The following EIF4E3 variants were observed in gnomAD, a reference collection of about 807,000 sequenced individuals.
EIF4E3 encodes the protein eukaryotic translation initiation factor 4E family member 3, also known as eukaryotic translation initiation factor 4E type 3.
EIF4E3 carries 26 observed loss-of-function variants against 31.7 expected under a neutral mutation model. The ratio of observed to expected loss-of-function variants is 0.82; its 90% CI spans 0.60 to 1.14. The LOEUF is 1.14. EIF4E3 is among the 50% of genes most tolerant of loss of function. The pLI is 0.00. For synonymous variants in EIF4E3, 128 were observed against 107.7 expected (o/e 1.19, Z -1.17); for missense variants, 304 against 270.9 (o/e 1.12, Z -0.86).
rs1352885595 is a variant in EIF4E3 at position 71,682,928 on chromosome 3, G to A, written c.*1754C>T. On this transcript the variant is annotated 3_prime_UTR_variant, in exon 7 of 7. Coordinates refer to ENST00000425534, the MANE Select transcript of EIF4E3 (RefSeq NM_001134651.2). ...AGAAAAATACTTATATTATAAAAAA[G>A]TTTTAATTCATGTCCAGAATAATTT... 6.6e-6 allele frequency: 1 copy of A among 152,170 alleles called. No individual in the cohort carries two copies. The highest frequency in any genetic ancestry group is 6.6e-5 in the Admixed American group (1 of 15,254). The allele number at this position is 152,170 out of a possible 1,614,324, so 9.4% of individuals were successfully genotyped here.
intron 2 of EIF4E3, among the ~76,000 whole-genome samples, chr3:71,701,015 G>A (rs888436923): frequency 2.0e-5 from 3 of 152,104 alleles, no homozygotes; most frequent in African/African-American, 7.2e-5. Flanking sequence ...AGGAGAGGAT[G>A]GCCATGTACA....
At chr3:71,708,603 GC>G (rs2049329009) in intron 2 of EIF4E3, among the ~76,000 whole-genome samples, 1 of 151,978 alleles carries the variant, frequency 6.6e-6, no homozygotes, top group African/African-American at 2.4e-5. Flanking sequence ...GGAAAACCAA[GC>G]CAATCCCCTC....
Position 71,739,370 on chromosome 3 carries a change from A to T in EIF4E3, c.-290-10747T>A, listed in dbSNP as rs1382301418. Among the ~76,000 whole-genome samples, 3 of 152,210 alleles carry T rather than the reference A, an allele frequency of 2.0e-5. No homozygotes were observed. The East Asian group carries it at 5.8e-4, about 29-fold the overall frequency. ...GATGTTTTCAGATATGCAAGAGCTG[A>T]AAGTATCCACTACCAGTAAATCAAC... On this transcript the variant is annotated intron_variant, in intron 1 of 7. Coordinates refer to the EIF4E3 transcript ENST00000295612.
chr3:71,696,489 A>C lies in EIF4E3; in HGVS notation c.376T>G (p.Trp126Gly). 6.2e-7 allele frequency: 1 copy of C among 1,614,122 alleles called. No homozygotes were observed. The highest frequency in any genetic ancestry group is 8.5e-7 in the Non-Finnish European group (1 of 1,180,022). The part of the protein sequence containing the change: ...EEESNAKGGV[W>G]KMKVPKDSTS... ...CTGTCCTTGGGGACTTTCATCTTCC[A>C]TACGCCACCCTTTGCATTACTCTCC... Residue 126 changes from tryptophan to glycine, a missense_variant, in exon 4 of 7, where the codon TGG becomes GGG. Transcript: ENST00000425534.
intron 1 of EIF4E3, chr3:71,753,324 C>T (rs955011266): frequency 6.6e-6 from 1 of 152,310 alleles, no homozygotes; most frequent in African/African-American, 2.4e-5. Context: ...TCGTAAATTA[C>T]TCCCAGCTTT....
the EIF4E3 span, among the ~76,000 whole-genome samples, chr3:71,664,648 C>T: frequency 2.0e-5 from 3 of 152,220 alleles, no homozygotes; most frequent in East Asian, 5.8e-4. Flanking sequence ...GAGGCCAAGG[C>T]AGATCACTTG....
intron 3 of EIF4E3, among the ~76,000 whole-genome samples, chr3:71,699,400 C>G (rs977474542): frequency 6.6e-6 from 1 of 152,184 alleles, no homozygotes; most frequent in African/African-American, 2.4e-5. Context: ...AACTGGGACT[C>G]CAGCCTGGGC....
chr3:71,734,764 A>G (rs914184516), intron 1 of EIF4E3, among the ~76,000 whole-genome samples: 2 of 152,218 alleles, frequency 1.3e-5, no homozygotes, highest in African/African-American at 4.8e-5. Flanking sequence ...TAGCATCTTA[A>G]TAAGTTGTTG....
chr3:71,663,237 T>C, the EIF4E3 span, among the ~76,000 whole-genome samples: 1 of 152,152 alleles, frequency 6.6e-6, no homozygotes, highest in Non-Finnish European at 1.5e-5. Flanking sequence ...AATTTGTATT[T>C]CTTTTACATT....
At chr3:71,669,848 T>C in the EIF4E3 span, among the ~76,000 whole-genome samples, 1 of 152,216 alleles carries the variant, frequency 6.6e-6, no homozygotes. Context: ...TTTGAACTCT[T>C]AGAATTTGAC....
intron 2 of EIF4E3, among the ~76,000 whole-genome samples, chr3:71,707,767 A>G (rs994211397): frequency 1.1e-4 from 16 of 152,162 alleles, no homozygotes; most frequent in Non-Finnish European, 1.9e-4. Flanking sequence ...CCCCTGCAAG[A>G]ATCAACTTTG....
chr3:71,703,851 C>T (rs2049253043), intron 2 of EIF4E3, among the ~76,000 whole-genome samples: 1 of 147,820 alleles, frequency 6.8e-6, no homozygotes, highest in African/African-American at 2.5e-5. Flanking sequence ...GGATTTATTC[C>T]AAGGTTGTGG....
chr3:71,747,386 A>G (rs1279558549), intron 1 of EIF4E3, among the ~76,000 whole-genome samples: 1 of 152,222 alleles, frequency 6.6e-6, no homozygotes, highest in Non-Finnish European at 1.5e-5. Flanking sequence ...TAATGATGCA[A>G]AGTATCTTTC....
At chr3:71,668,064 C>A in the EIF4E3 span, among the ~76,000 whole-genome samples, 1 of 152,084 alleles carries the variant, frequency 6.6e-6, no homozygotes, top group Non-Finnish European at 1.5e-5. Flanking sequence ...ATATATAGAC[C>A]AATGGAACAG....
chr3:71,707,156 C>T (rs1320163825), intron 2 of EIF4E3, among the ~76,000 whole-genome samples: 1 of 152,168 alleles, frequency 6.6e-6, no homozygotes, highest in East Asian at 1.9e-4. Context: ...CAAATTATGG[C>T]AGATGATTGG....
the EIF4E3 span, among the ~76,000 whole-genome samples, chr3:71,665,989 A>G: frequency 6.6e-6 from 1 of 152,240 alleles, no homozygotes; most frequent in East Asian, 1.9e-4. Context: ...TGCCCACAGG[A>G]GAAAGTGGGA....
Position 71,690,176 on chromosome 3 carries a change from G to C in EIF4E3, c.473-11C>G. The C allele has an allele frequency of 6.4e-7, 1 of 1,566,478 alleles. No homozygotes were observed. The highest frequency in any genetic ancestry group is 8.6e-7 in the Non-Finnish European group (1 of 1,161,588). On this transcript the variant is annotated splice_polypyrimidine_tract_variant and intron_variant, in intron 5 of 6. Transcript: ENST00000425534. ...CTATTACTTCATCATCTGAGGGGAA[G>C]ACAGGAAAAAAAAAAAATGAGTGAT...
intron 1 of EIF4E3, among the ~76,000 whole-genome samples, chr3:71,735,514 T>A (rs1478446666): frequency 6.6e-6 from 1 of 152,226 alleles, no homozygotes; most frequent in Non-Finnish European, 1.5e-5. Context: ...TGAGGAGACT[T>A]GCTAATAGGT....
chr3:71,704,295 G>C (rs193025207), intron 2 of EIF4E3, among the ~76,000 whole-genome samples: 8 of 152,328 alleles, frequency 5.3e-5, no homozygotes, highest in Non-Finnish European at 8.8e-5. Flanking sequence ...AACCCTGAAA[G>C]GATGGGAGAG....
Sources: allele counts gnomAD v4.1 joint callset (sites outside exome capture counted in the v4.1 genomes callset), GRCh38; gene constraint gnomAD v4.1.1; transcripts MANE v1.5; gene names NCBI Gene and HGNC (gene_info 2026-07-23, HGNC 2026-07-21).